Variants in ARID2 observed in about 807,000 individuals in gnomAD.
The protein encoded by ARID2 is AT-rich interaction domain 2.
A neutral mutation model predicts 184.6 loss-of-function variants in ARID2; 32 were observed. That is an observed-to-expected ratio of 0.17 (90% CI 0.13 to 0.23). The LOEUF (loss-of-function observed/expected upper bound fraction) is 0.23. Ranked by LOEUF, ARID2 falls within the 10% of genes least tolerant of loss-of-function variation. The probability of loss-of-function intolerance (pLI) is 1.00; values close to 1 mark genes in which losing one functional copy is unlikely to be tolerated. For synonymous variants in ARID2, 836 were observed against 772.6 expected (o/e 1.08, Z -1.36); for missense variants, 1,696 against 2,197.6 (o/e 0.77, Z 4.56).
chr12:45,742,032 A>G (rs1347245051), intron 3 of ARID2, among the ~76,000 whole-genome samples: 3 of 152,202 alleles, frequency 2.0e-5, no homozygotes, highest in East Asian at 1.9e-4. Context: ...GTTCTCTACA[A>G]TAGTATATAT....
At chr12:45,810,509 C>A (rs934413662) in intron 3 of ARID2, among the ~76,000 whole-genome samples, 2 of 151,930 alleles carry the variant, frequency 1.3e-5, no homozygotes, top group African/African-American at 4.8e-5. Context: ...TACCAAAAAA[C>A]AAAACTGAAA....
intron 3 of ARID2, among the ~76,000 whole-genome samples, chr12:45,750,470 T>C (rs1941441913): frequency 6.6e-6 from 1 of 152,202 alleles, no homozygotes; most frequent in Non-Finnish European, 1.5e-5. Context: ...CACATGGTTT[T>C]AAAAAATGAT....
chr12:45,868,856 C>T (rs1051186055), intron 16 of ARID2, among the ~76,000 whole-genome samples: 1 of 152,190 alleles, frequency 6.6e-6, no homozygotes, highest in African/African-American at 2.4e-5. Context: ...TAACTTTGGA[C>T]ATGGCAGTTT....
chr12:45,780,398 A>C (rs1225122904), intron 3 of ARID2, among the ~76,000 whole-genome samples: 1 of 152,110 alleles, frequency 6.6e-6, no homozygotes, highest in Non-Finnish European at 1.5e-5. Context: ...TTTCTGTATA[A>C]GTTTTATTCA....
chr12:45,842,384 A>C (rs1217941261), intron 11 of ARID2: 2 of 151,658 alleles, frequency 1.3e-5, no homozygotes, highest in Non-Finnish European at 2.9e-5. Flanking sequence ...TATAAAACAC[A>C]CATACATATA....
At chr12:45,742,506 A>C (rs1351285904) in intron 3 of ARID2, among the ~76,000 whole-genome samples, 4 of 152,224 alleles carry the variant, frequency 2.6e-5, no homozygotes, top group Non-Finnish European at 4.4e-5. Flanking sequence ...AAAACACGTA[A>C]GATTAAGCCT....
chr12:45,768,020 A>G (rs1941804311), intron 3 of ARID2, among the ~76,000 whole-genome samples: 1 of 152,228 alleles, frequency 6.6e-6, no homozygotes, highest in African/African-American at 2.4e-5. Flanking sequence ...CATTTATTCA[A>G]GAATATCTAC....
chr12:45,749,476 A>G (rs1941419372), intron 3 of ARID2, among the ~76,000 whole-genome samples: 1 of 152,220 alleles, frequency 6.6e-6, no homozygotes, highest in Non-Finnish European at 1.5e-5. Flanking sequence ...GTCATTGAGC[A>G]TTGGCTTTGA....
intron 3 of ARID2, among the ~76,000 whole-genome samples, chr12:45,778,987 A>G (rs943876105): frequency 6.6e-6 from 1 of 152,050 alleles, no homozygotes; most frequent in Non-Finnish European, 1.5e-5. Flanking sequence ...TTAGTTTTTT[A>G]ACCTATTATA....
At chr12:45,745,616 C>T (rs538914241) in intron 3 of ARID2, among the ~76,000 whole-genome samples, 4 of 152,140 alleles carry the variant, frequency 2.6e-5, no homozygotes, top group Non-Finnish European at 4.4e-5. Flanking sequence ...GGCGCAATCT[C>T]GGCTCACTGC....
chr12:45,845,025 T>C (rs1268060024), intron 11 of ARID2, among the ~76,000 whole-genome samples: 3 of 152,214 alleles, frequency 2.0e-5, no homozygotes, highest in Non-Finnish European at 4.4e-5. Context: ...TCATTTAGAA[T>C]GTCTTCAGGT....
intron 3 of ARID2, among the ~76,000 whole-genome samples, chr12:45,778,179 C>A (rs546208977): frequency 6.6e-6 from 1 of 152,008 alleles, no homozygotes; most frequent in Admixed American, 6.6e-5. Context: ...GCGCTCCAGC[C>A]TGGGGGACAA....
At chr12:45,735,769 G>C (rs1373080395) in intron 3 of ARID2, among the ~76,000 whole-genome samples, 1 of 152,198 alleles carries the variant, frequency 6.6e-6, no homozygotes, top group Non-Finnish European at 1.5e-5. Flanking sequence ...TTAGTGTTAT[G>C]TCTTAGAATC....
At chr12:45,770,484 G>A (rs1941854426) in intron 3 of ARID2, among the ~76,000 whole-genome samples, 1 of 152,178 alleles carries the variant, frequency 6.6e-6, no homozygotes, top group South Asian at 2.1e-4. Context: ...CAGCTCACCT[G>A]TGCTATAGCT....
chr12:45,766,784 G>C (rs946973551), intron 3 of ARID2, among the ~76,000 whole-genome samples: 3 of 152,178 alleles, frequency 2.0e-5, no homozygotes, highest in Admixed American at 6.5e-5. Flanking sequence ...AGAGTGCTGG[G>C]ATTACAGGCG....
At chr12:45,811,619 A>G (rs1942710371) in intron 4 of ARID2, 68 bp downstream of exon 4, 5 of 1,548,938 alleles carry the variant, frequency 3.2e-6, no homozygotes, top group Non-Finnish European at 4.4e-6. Flanking sequence ...GACATCATCC[A>G]ATGAGTTAGT....
chr12:45,888,649 G>T (rs534522996), intron 16 of ARID2, among the ~76,000 whole-genome samples: 1 of 151,942 alleles, frequency 6.6e-6, no homozygotes, highest in Non-Finnish European at 1.5e-5. Context: ...TTTATTTTTG[G>T]CCTACTATTT....
chr12:45,887,193 TTAAA>T (rs1944205820), intron 16 of ARID2, among the ~76,000 whole-genome samples: 1 of 152,168 alleles, frequency 6.6e-6, no homozygotes, highest in East Asian at 1.9e-4. Context: ...CTGCAATGAT[TTAAA>T]TAATAAGCAG....
rs575521408 is a variant in ARID2 at position 45,878,308 on chromosome 12, AT to A, written c.4923-13466del. On this transcript the variant is annotated intron_variant, in intron 16 of 20. Coordinates refer to ENST00000334344, the MANE Select transcript of ARID2 (RefSeq NM_152641.4). ...TTCTCACTTCGTTCTTACTTCAAAT[AT>A]TTTTTGTGTTCTTTCTCTTTTTCTT... Among the ~76,000 whole-genome samples the A allele has an allele frequency of 2.7e-3, 408 of 152,162 alleles. 3 individuals carry two copies. Among genetic ancestry groups the A allele is most frequent in the African/African-American group, 8.0e-3 (332 of 41,528 alleles).
Sources: allele counts gnomAD v4.1 joint callset (sites outside exome capture counted in the v4.1 genomes callset), GRCh38; gene constraint gnomAD v4.1.1; transcripts MANE v1.5; gene names NCBI Gene and HGNC (gene_info 2026-07-23, HGNC 2026-07-21).